NME7: variants seen among roughly 807,000 people sequenced by gnomAD.
NME7 encodes the protein nucleoside diphosphate kinase 7.
A neutral mutation model predicts 49.1 loss-of-function variants in NME7; 41 were observed. The observed-to-expected ratio is 0.83, with a 90% CI of 0.65 to 1.08. NME7 has a LOEUF of 1.08. NME7 is among the 50% of genes least tolerant of loss of function. The pLI, the probability that NME7 is intolerant of heterozygous loss-of-function variation, is 0.00. For synonymous variants in NME7, 139 were observed against 150.6 expected (o/e 0.92, Z 0.56); for missense variants, 423 against 463.4 (o/e 0.91, Z 0.80).
Position 169,222,780 on chromosome 1 carries a change from T to C in NME7, c.990+7938A>G, listed in dbSNP as rs116680840. Among the ~76,000 whole-genome samples the C allele has an allele frequency of 3.3e-3, 496 of 152,360 alleles. 3 individuals are homozygous for C. Among genetic ancestry groups the C allele is most frequent in the African/African-American group, 0.011 (459 of 41,592 alleles). On this transcript the variant is annotated intron_variant, in intron 10 of 11. Transcript: ENST00000367811. ...TGTAAAAACTTGACATTTTAAGTTTTATTTTGAAAGAACTGTAAATTTATA... is the reference window on the plus strand; with the variant it reads ...TGTAAAAACTTGACATTTTAAGTTTCATTTTGAAAGAACTGTAAATTTATA...
intron 10 of NME7, among the ~76,000 whole-genome samples, chr1:169,212,878 C>T (rs574074079): frequency 1.1e-3 from 164 of 152,224 alleles, no homozygotes; most frequent in Non-Finnish European, 1.9e-3. Context: ...ATCCTCCCAC[C>T]TCATCCTCCC....
intron 1 of NME7, among the ~76,000 whole-genome samples, chr1:169,337,502 TG>T (rs765423945): frequency 3.3e-5 from 5 of 152,174 alleles, no homozygotes; most frequent in Non-Finnish European, 7.4e-5. Flanking sequence ...GCTCTGGCCT[TG>T]GCCAGCCCAG....
intron 7 of NME7, among the ~76,000 whole-genome samples, chr1:169,241,455 A>T (rs1360918251): frequency 2.0e-5 from 3 of 151,784 alleles, no homozygotes; most frequent in Non-Finnish European, 4.4e-5. Context: ...TAATGATAAT[A>T]AAAAAATGAT....
intron 7 of NME7, among the ~76,000 whole-genome samples, chr1:169,239,886 G>C (rs1219140835): frequency 1.3e-5 from 2 of 152,066 alleles, no homozygotes; most frequent in African/African-American, 4.8e-5. Flanking sequence ...AGACAGAAGA[G>C]AAGGGAGCAG....
At chr1:169,248,403 G>A (rs12724093) in intron 7 of NME7, among the ~76,000 whole-genome samples, 57,311 of 151,782 alleles carry the variant, frequency 0.38, 11,524 homozygotes, top group East Asian at 0.79. Context: ...ATAGTTTGCA[G>A]ATATTTTCTC....
At chr1:169,259,431 T>C (rs1270977805) in intron 7 of NME7, among the ~76,000 whole-genome samples, 1 of 134,574 alleles carries the variant, frequency 7.4e-6, no homozygotes, top group East Asian at 2.0e-4. Flanking sequence ...AGTTCATTAC[T>C]ATGAAATTCA....
chr1:169,336,960 G>C (rs1235139310), intron 1 of NME7, among the ~76,000 whole-genome samples: 2 of 152,250 alleles, frequency 1.3e-5, no homozygotes, highest in Admixed American at 1.3e-4. Flanking sequence ...CCCTGAGCTA[G>C]ACATAAAGGT....
At chr1:169,287,799 A>G (rs2101896158) in intron 6 of NME7, among the ~76,000 whole-genome samples, 1 of 152,296 alleles carries the variant, frequency 6.6e-6, no homozygotes, top group Admixed American at 6.5e-5. Flanking sequence ...ATAAAATTTA[A>G]AACTAGGAAA....
chr1:169,342,558 T>TAC (rs1292985263), intron 1 of NME7, among the ~76,000 whole-genome samples: 4 of 110,100 alleles, frequency 3.6e-5, no homozygotes, highest in African/African-American at 1.2e-4. Context: ...TATATATATA[T>TAC]ACAAGTACAT....
chr1:169,180,714 T>C (rs1173012971), intron 10 of NME7, among the ~76,000 whole-genome samples: 4 of 152,204 alleles, frequency 2.6e-5, no homozygotes, highest in Non-Finnish European at 5.9e-5. Flanking sequence ...AGAAGTGAAA[T>C]TAATTTTAAC....
intron 10 of NME7, among the ~76,000 whole-genome samples, chr1:169,226,632 A>T (rs1485732589): frequency 6.6e-6 from 1 of 152,220 alleles, no homozygotes; most frequent in Non-Finnish European, 1.5e-5. Flanking sequence ...GACACAAGAT[A>T]ATCAGTTCTT....
At chr1:169,252,510 T>C (rs1454925388) in intron 7 of NME7, among the ~76,000 whole-genome samples, 1 of 151,936 alleles carries the variant, frequency 6.6e-6, no homozygotes, top group African/African-American at 2.4e-5. Flanking sequence ...ATTTTGTAGG[T>C]TGCCTGTTCA....
intron 11 of NME7, among the ~76,000 whole-genome samples, chr1:169,156,879 G>A (rs1450275328): frequency 6.6e-6 from 1 of 152,122 alleles, no homozygotes; most frequent in Non-Finnish European, 1.5e-5. Flanking sequence ...ATAGCTTAAG[G>A]CCTCTTATAT....
chr1:169,215,955 A>C (rs544362821), intron 10 of NME7, among the ~76,000 whole-genome samples: 147 of 152,332 alleles, frequency 9.6e-4, no homozygotes, highest in Non-Finnish European at 1.8e-3. Flanking sequence ...CAGATGGAAG[A>C]AATGGAGAGA....
At chr1:169,347,791 TAAG>T (rs921924434) in intron 1 of NME7, among the ~76,000 whole-genome samples, 1 of 152,096 alleles carries the variant, frequency 6.6e-6, no homozygotes, top group Non-Finnish European at 1.5e-5. Context: ...ACGTAATAAA[TAAG>T]AATATCAGCA....
chr1:169,340,280 G>A (rs1341460258), intron 1 of NME7, among the ~76,000 whole-genome samples: 2 of 152,126 alleles, frequency 1.3e-5, no homozygotes, highest in Non-Finnish European at 2.9e-5. Context: ...TTTAAAAGTG[G>A]CAGTTTCCCC....
intron 1 of NME7, among the ~76,000 whole-genome samples, chr1:169,346,765 T>C (rs1449024923): frequency 4.6e-5 from 7 of 152,256 alleles, no homozygotes; most frequent in Admixed American, 3.3e-4. Context: ...ATGCATTGCA[T>C]ATATCAGATA....
At chr1:169,343,578 G>C (rs1196198121) in intron 1 of NME7, among the ~76,000 whole-genome samples, 1 of 150,100 alleles carries the variant, frequency 6.7e-6, no homozygotes, top group Non-Finnish European at 1.5e-5. Context: ...TGCAACCTCT[G>C]CCTCCCCAGT....
chr1:169,214,720 A>T (rs1394153478), intron 10 of NME7, among the ~76,000 whole-genome samples: 1 of 152,218 alleles, frequency 6.6e-6, no homozygotes, highest in Non-Finnish European at 1.5e-5. Context: ...TGCCATGCTC[A>T]ATGCCTTGTG....
Sources: gnomAD v4.1 joint callset for allele counts (sites outside exome capture counted in the v4.1 genomes callset) on GRCh38, gnomAD v4.1.1 for gene constraint, MANE v1.5 for transcripts, NCBI Gene and HGNC (gene_info 2026-07-23, HGNC 2026-07-21) for gene names.